PSAPL1: variants seen among roughly 807,000 people sequenced by gnomAD.
The protein encoded by PSAPL1 is proactivator polypeptide-like 1.
For missense variants in PSAPL1, 814 were observed against 688.8 expected (o/e 1.18, Z -2.03); for synonymous variants, 351 against 291.6 (o/e 1.20, Z -2.08).
At position 7,434,022 on chromosome 4, in the gene PSAPL1, C is replaced by A. The variant is rs750468128; in HGVS notation, c.858G>T (p.Met286Ile). ...CACAGGTCACACCGGCCTTCATCTG[C>A]ATCTCGCTCTGTTTCCTTGGCAACC... ...ELGLPRKQSEMQMKAGVTCEV... is the reference protein window; with the variant it reads ...ELGLPRKQSEIQMKAGVTCEV... Residue 286 changes from methionine (M) to isoleucine (I), a missense_variant, in exon 1 of 1, where the codon ATG becomes ATT. Physicochemically the swap from Met to Ile is conservative, Grantham distance 10. Transcript: ENST00000319098. 3 of 1,611,874 alleles carry A rather than the reference C, an allele frequency of 1.9e-6. No homozygotes were observed. Among genetic ancestry groups the A allele is most frequent in the Non-Finnish European group, 2.5e-6 (3 of 1,178,378 alleles).
chr4:7,434,001 G>C lies in PSAPL1; in HGVS notation c.879C>G (p.Thr293=), dbSNP rs1483235246. ...GCACCACGTTCATGCACACCTCACA[G>C]GTCACACCGGCCTTCATCTGCATCT... The part of the protein sequence containing the change: ...QSEMQMKAGV[T]CEVCMNVVQK... The change falls in exon 1 of 1, where the codon ACC becomes ACG. Residue 293 remains threonine, a synonymous_variant. Transcript: ENST00000319098. 6.2e-7 allele frequency: 1 copy of C among 1,613,140 alleles called. No homozygotes were observed. The highest frequency in any genetic ancestry group is 8.5e-7 in the Non-Finnish European group (1 of 1,179,396).
rs147175966 is a variant in PSAPL1, at chr4:7,433,226, C to A, written c.*88G>T. The A allele has an allele frequency of 1.5e-6, 2 of 1,292,150 alleles. No homozygotes were observed. The highest frequency in any genetic ancestry group is 5.7e-5 in the East Asian group (2 of 34,884). The allele number at this position is 1,292,150 out of a possible 1,614,324, so 80.0% of individuals were successfully genotyped here. The stretch of plus-strand genomic sequence containing the variant: ...TCCTTCCCAGCCTCCCTCCTCAGAG[C>A]TTCAGTTTTTCATTTGTGAAATGGG... On this transcript the variant is annotated 3_prime_UTR_variant, in exon 1 of 1. Transcript: ENST00000319098.
At position 7,431,975 on chromosome 4, in the gene PSAPL1, C is replaced by T. The variant is rs1323995242; in HGVS notation, c.*1339G>A. ...ACCCCCGGGACTCATGTGTGCGGCT[C>T]CCAGATGTGTGAGCACCTGCTGCGT... On this transcript the variant is annotated 3_prime_UTR_variant, in exon 1 of 1. Transcript: ENST00000319098. The T allele has an allele frequency of 6.6e-6, 1 of 152,280 alleles. No individual in the cohort carries two copies. Among genetic ancestry groups the T allele is most frequent in the African/African-American group, 2.4e-5 (1 of 41,434 alleles). The allele number at this position is 152,280 out of a possible 1,614,324, so 9.4% of individuals were successfully genotyped here.
chr4:7,433,485 C>T lies in PSAPL1; in HGVS notation c.1395G>A (p.Lys465=), dbSNP rs771521999. 6.3e-7 allele frequency: 1 copy of T among 1,587,382 alleles called. No individual in the cohort carries two copies. Among genetic ancestry groups the T allele is most frequent in the African/African-American group, 1.3e-5 (1 of 74,402 alleles). ...TCCTGGGGCCGTGGCAGGCCCCCAC[C>T]TTCTTGCACACAGCCACGGGGTCCA... ...DMMDPVAVCK[K]VGACHGPRTP... Residue 465 remains lysine, a synonymous_variant, in exon 1 of 1, where the codon AAG becomes AAA. Transcript: ENST00000319098.
At position 7,434,571 on chromosome 4, in the gene PSAPL1, A is replaced by C. The variant is rs777987619; in HGVS notation, c.309T>G (p.Ser103=). Residue 103 remains serine, a synonymous_variant, in exon 1 of 1, where the codon TCT becomes TCG. Transcript: ENST00000319098. ...CCACCATCCACTTGCATCCGGCTGA[A>C]GACTCCTGGCTGGGGAGCCACTCAC... The part of the protein sequence containing the change: ...KTCEWLPSQE[S]SAGCKWMVDA... 1.1e-5 allele frequency: 18 copies of C among 1,613,556 alleles called. No individual in the cohort carries two copies. In the East Asian group the frequency reaches 3.8e-4, roughly 34 times the overall value.
Position 7,434,349 on chromosome 4 carries a change from C to T in PSAPL1, c.531G>A (p.Gln177=). ...ANGPLTFHPR[Q]APEGALCQDC... ...CTTGGCACAGAGCTCCTTCAGGCGC[C>T]TGGCGGGGGTGGAAGGTAAGGGGCC... is the stretch of plus-strand genomic sequence containing the variant. Residue 177 remains glutamine (Q), a synonymous_variant, in exon 1 of 1, where the codon CAG becomes CAA. Transcript: ENST00000319098. 1 of 1,608,894 alleles carries T rather than the reference C, an allele frequency of 6.2e-7. No individual in the cohort carries two copies. The highest frequency in any genetic ancestry group is 8.5e-7 in the Non-Finnish European group (1 of 1,177,946).
In PSAPL1 at chr4:7,434,137, C is replaced by A; in HGVS notation, c.743G>T (p.Cys248Phe). 1 of 1,613,626 alleles carries A rather than the reference C, an allele frequency of 6.2e-7. No individual in the cohort carries two copies. Residue 248 changes from cysteine (C) to phenylalanine (F), a missense_variant, in exon 1 of 1, where the codon TGC (cysteine) becomes TTC (phenylalanine). Transcript: ENST00000319098. ...CTCCTCACAGAATCCCCCCTTCCTG[C>A]AGAGCTCCTGCGGGGGGAGAAGCCT... The part of the protein sequence containing the change: ...ALRLLPPQEL[C>F]RKGGFCEELG...
Position 7,433,773 on chromosome 4 carries a change from C to T in PSAPL1, c.1107G>A (p.Arg369=), listed in dbSNP as rs1366429145. The T allele has an allele frequency of 9.3e-6, 15 of 1,613,404 alleles. No homozygotes were observed. Among genetic ancestry groups the T allele is most frequent in the Non-Finnish European group, 1.3e-5 (15 of 1,179,832 alleles). ...CATCATGGACTGCCCGGGCCCGCCT[C>T]CGGTTGCCACACAGACGGATGAACT... ...VCKFIRLCGN[R]RRARAVHDAY... Residue 369 remains arginine (R), a synonymous_variant, in exon 1 of 1, where the codon CGG becomes CGA. Transcript: ENST00000319098.
In PSAPL1 at chr4:7,433,695, G is replaced by A; in HGVS notation, c.1185C>T (p.Phe395=). ...PEWDAENQGS[F]CNGCKRLLTV... is the part of the protein sequence containing the mutation. ...TGAGCAGCCTCTTGCACCCATTGCAGAAGCTGCCCTGGTTCTCCGCGTCCC... is the reference window on the plus strand; with the variant it reads ...TGAGCAGCCTCTTGCACCCATTGCAAAAGCTGCCCTGGTTCTCCGCGTCCC... Residue 395 remains phenylalanine, a synonymous_variant, in exon 1 of 1, where the codon TTC becomes TTT. Transcript: ENST00000319098. The A allele has an allele frequency of 1.9e-6, 3 of 1,612,790 alleles. No homozygotes were observed. Among genetic ancestry groups the A allele is most frequent in the Non-Finnish European group, 2.5e-6 (3 of 1,179,400 alleles).
In PSAPL1 at chr4:7,433,578, A is replaced by G. The variant is rs61734061; in HGVS notation, c.1302T>C (p.Tyr434=). 12,867 of 1,611,916 alleles carry G rather than the reference A, an allele frequency of 8.0e-3. 776 individuals carry two copies. The African/African-American group carries it at 0.14, about 17-fold the overall frequency. ...KGGCSILPLP[Y]MIQCKHFVTQ... ...TGACGAAGTGCTTGCACTGGATCAT[A>G]TAGGGCAGCGGCAGGATGCTGCAGC... The change falls in exon 1 of 1, where the codon TAT becomes TAC. Residue 434 remains tyrosine, a synonymous_variant. Coordinates refer to ENST00000319098, the MANE Select transcript of PSAPL1 (RefSeq NM_001085382.2).
At position 7,433,439 on chromosome 4, in the gene PSAPL1, G is replaced by C; in HGVS notation, c.1441C>G (p.Gln481Glu). The change falls in exon 1 of 1, where the codon CAG becomes GAG. Residue 481 changes from glutamine to glutamate, a missense_variant. Gln to Glu is a conservative substitution (Grantham distance 29, BLOSUM62 2). Transcript: ENST00000319098. ...GPRTPLLGTDQCALGPSFWCR... is the reference protein window; with the variant it reads ...GPRTPLLGTDECALGPSFWCR... ...CAGAAGCTTGGGCCCAGGGCACACTGGTCGGTGCCCAGCAGTGGGGTCCTG... is the reference window on the plus strand; with the variant it reads ...CAGAAGCTTGGGCCCAGGGCACACTCGTCGGTGCCCAGCAGTGGGGTCCTG... 6.5e-7 allele frequency: 1 copy of C among 1,537,210 alleles called. No individual in the cohort carries two copies. The highest frequency in any genetic ancestry group is 8.7e-7 in the Non-Finnish European group (1 of 1,143,786).
Position 7,434,133 on chromosome 4 carries a change from C to T in PSAPL1, c.747G>A (p.Arg249=), listed in dbSNP as rs766321274. The part of the protein sequence containing the change: ...LRLLPPQELC[R]KGGFCEELGA... ...CTAGCTCCTCACAGAATCCCCCCTT[C>T]CTGCAGAGCTCCTGCGGGGGGAGAA... Residue 249 remains arginine (R), a synonymous_variant, in exon 1 of 1, where the codon AGG becomes AGA. Coordinates refer to ENST00000319098, the MANE Select transcript of PSAPL1 (RefSeq NM_001085382.2). The T allele has an allele frequency of 6.2e-7, 1 of 1,613,574 alleles. No homozygotes were observed.
Position 7,432,932 on chromosome 4 carries a change from C to A in PSAPL1, c.*382G>T. 6.0e-6 allele frequency: 1 copy of A among 167,764 alleles called. No homozygotes were observed. Among genetic ancestry groups the A allele is most frequent in the East Asian group, 1.7e-4 (1 of 5,934 alleles). The allele number at this position is 167,764 out of a possible 1,614,324, so 10.4% of individuals were successfully genotyped here. A position where few individuals can be genotyped will look rare whatever the true frequency, so the allele number is the denominator to read the frequency against. ...TCCGTCCACCCCTGCCTCCGCTCAC[C>A]CCGGCCATGACCCCAGCCTGGCTCA... On this transcript the variant is annotated 3_prime_UTR_variant, in exon 1 of 1. Transcript: ENST00000319098.
At position 7,433,488 on chromosome 4, in the gene PSAPL1, C is replaced by G. The variant is rs1057251961; in HGVS notation, c.1392G>C (p.Lys464Asn). ...TGGGGCCGTGGCAGGCCCCCACCTT[C>G]TTGCACACAGCCACGGGGTCCATCA... ...KDMMDPVAVC[K>N]KVGACHGPRT... The change falls in exon 1 of 1, where the codon AAG becomes AAC. Residue 464 changes from lysine to asparagine, a missense_variant. By Grantham distance (94) the Lys-to-Asn change is moderately conservative. Coordinates refer to ENST00000319098, the MANE Select transcript of PSAPL1 (RefSeq NM_001085382.2). 1.3e-6 allele frequency: 2 copies of G among 1,592,484 alleles called. No individual in the cohort carries two copies. The highest frequency in any genetic ancestry group is 1.7e-5 in the Admixed American group (1 of 57,472).
At position 7,432,952 on chromosome 4, in the gene PSAPL1, G is replaced by C. The variant is rs1726984546; in HGVS notation, c.*362C>G. 1 of 175,680 alleles carries C rather than the reference G, an allele frequency of 5.7e-6. No individual in the cohort carries two copies. The highest frequency in any genetic ancestry group is 1.2e-5 in the Non-Finnish European group (1 of 84,358). 10.9% of individuals were successfully genotyped at this position (175,680 alleles called of 1,614,324 possible). On this transcript the variant is annotated 3_prime_UTR_variant, in exon 1 of 1. Transcript: ENST00000319098. ...CTCACCCCGGCCATGACCCCAGCCTGGCTCACAGCCAGATGTCCATCCAGC... is the reference window on the plus strand; with the variant it reads ...CTCACCCCGGCCATGACCCCAGCCTCGCTCACAGCCAGATGTCCATCCAGC...
chr4:7,434,061 G>C lies in PSAPL1; in HGVS notation c.819C>G (p.Pro273=). Residue 273 remains proline, a synonymous_variant, in exon 1 of 1, where the codon CCC becomes CCG. Transcript: ENST00000319098. Reference sequence around the variant, plus strand: ...TCCTTGGCAACCCCAGCTCCAGGGAGGGGACCCCGTCCATGGCCACTACTT... The same window carrying C: ...TCCTTGGCAACCCCAGCTCCAGGGACGGGACCCCGTCCATGGCCACTACTT... ...LTQVVAMDGV[P]SLELGLPRKQ... 1.2e-6 allele frequency: 2 copies of C among 1,611,234 alleles called. No homozygotes were observed. Among genetic ancestry groups the C allele is most frequent in the Non-Finnish European group, 1.7e-6 (2 of 1,177,964 alleles).
Position 7,434,330 on chromosome 4 carries a change from A to G in PSAPL1, c.550T>C (p.Cys184Arg). The change falls in exon 1 of 1, where the codon TGC (cysteine) becomes CGC (arginine). Residue 184 changes from cysteine to arginine, a missense_variant. Cys to Arg is a radical substitution (Grantham distance 180). Coordinates refer to ENST00000319098, the MANE Select transcript of PSAPL1 (RefSeq NM_001085382.2). ...GAGACCTGCCGTACACAGTCTTGGC[A>G]CAGAGCTCCTTCAGGCGCCTGGCGG... ...HPRQAPEGAL[C>R]QDCVRQVSRL... 3 of 1,611,036 alleles carry G rather than the reference A, an allele frequency of 1.9e-6. No individual in the cohort carries two copies. Among genetic ancestry groups the G allele is most frequent in the Non-Finnish European group, 2.5e-6 (3 of 1,178,972 alleles).
rs559219098 is a variant in PSAPL1 at position 7,434,491 on chromosome 4, G to A, written c.389C>T (p.Pro130Leu). 1.8e-5 allele frequency: 29 copies of A among 1,611,874 alleles called. No individual in the cohort carries two copies. The highest frequency in any genetic ancestry group is 2.2e-5 in the Non-Finnish European group (26 of 1,179,602). The change falls in exon 1 of 1, where the codon CCG becomes CTG. Residue 130 changes from proline (P) to leucine (L), a missense_variant. Coordinates refer to ENST00000319098, the MANE Select transcript of PSAPL1 (RefSeq NM_001085382.2). ...GCTGAGCGCTGTGCACACCTGTGCC[G>A]GGGCACTGTCCGGGGCCCCACGGAG... The part of the protein sequence containing the change: ...SMLRGAPDSA[P>L]AQVCTALSLC...
In PSAPL1 at chr4:7,431,790, G is replaced by C. The variant is rs752218259; in HGVS notation, c.*1524C>G. ...AGAATCTCAGGCCCAGTGTGCCTGT[G>C]TTCCTGGGGCGGTGGCCCAGGTCTG... On this transcript the variant is annotated 3_prime_UTR_variant, in exon 1 of 1. Transcript: ENST00000319098. 1 of 152,348 alleles carries C rather than the reference G, an allele frequency of 6.6e-6. No individual in the cohort carries two copies. The highest frequency in any genetic ancestry group is 1.5e-5 in the Non-Finnish European group (1 of 68,040). The allele number at this position is 152,348 out of a possible 1,614,324, so 9.4% of individuals were successfully genotyped here.
Sources: allele counts gnomAD v4.1 joint callset, GRCh38; gene constraint gnomAD v4.1.1; transcripts MANE v1.5; gene names NCBI Gene and HGNC (gene_info 2026-07-23, HGNC 2026-07-21).